The following SLC14A2 variants were observed in gnomAD, a reference collection of about 807,000 sequenced individuals.
SLC14A2 encodes urea transporter 2.
Under a neutral mutation model 104.6 loss-of-function variants are expected in SLC14A2, and 91 were observed. The observed-to-expected ratio is 0.87, with a 90% CI of 0.73 to 1.04. The LOEUF (loss-of-function observed/expected upper bound fraction) is 1.04. Ranked by LOEUF, SLC14A2 falls within the 50% of genes least tolerant of loss-of-function variation. SLC14A2 has a pLI of 0.00. For synonymous variants in SLC14A2, 476 were observed against 466.4 expected, an observed-to-expected ratio of 1.02 and a Z score of -0.27; for missense variants, 1,189 against 1,156.0, an observed-to-expected ratio of 1.03 and a Z score of -0.41.
intron 1 of SLC14A2, among the ~76,000 whole-genome samples, chr18:45,407,571 AT>A (rs2086169066): frequency 6.6e-6 from 1 of 152,220 alleles, no homozygotes; most frequent in Non-Finnish European, 1.5e-5. Context: ...TGGCTCAAGA[AT>A]CCTAGCTTTC....
rs2046181710 is a variant in SLC14A2 at position 45,673,827 on chromosome 18, C to T, written c.2512+10C>T. On this transcript the variant is annotated intron_variant, in intron 18 of 19. Transcript: ENST00000255226. ...CTCGCCATCGCCTGCGGTAGGTACT[C>T]CCCACAGAGGATTTGTTTCCTTTAT... The T allele has an allele frequency of 6.2e-7, 1 of 1,611,816 alleles. No homozygotes were observed. Among genetic ancestry groups the T allele is most frequent in the East Asian group, 2.2e-5 (1 of 44,788 alleles).
intron 19 of SLC14A2, among the ~76,000 whole-genome samples, chr18:45,681,445 G>T (rs1054786607): frequency 6.6e-6 from 1 of 152,208 alleles, no homozygotes; most frequent in Non-Finnish European, 1.5e-5. Flanking sequence ...GAAGTTGCAG[G>T]CTCATTGTTA....
At chr18:45,618,075 C>T (rs1020789811) in intron 1 of SLC14A2, among the ~76,000 whole-genome samples, 4 of 152,122 alleles carry the variant, frequency 2.6e-5, no homozygotes, top group African/African-American at 9.7e-5. Context: ...GATGTCAGCT[C>T]CACAGATACA....
intron 2 of SLC14A2, among the ~76,000 whole-genome samples, chr18:45,499,158 T>C (rs1269073825): frequency 6.6e-6 from 1 of 152,178 alleles, no homozygotes; most frequent in Non-Finnish European, 1.5e-5. Context: ...ACTGGTTGTT[T>C]TGGGGTCACA....
intron 1 of SLC14A2, among the ~76,000 whole-genome samples, chr18:45,458,901 A>G (rs568250162): frequency 3.3e-5 from 5 of 152,182 alleles, no homozygotes; most frequent in African/African-American, 1.2e-4. Flanking sequence ...GGTTTGGTGC[A>G]ATGAATATAC....
At chr18:45,200,045 T>C in the SLC14A2 span, among the ~76,000 whole-genome samples, 1 of 152,158 alleles carries the variant, frequency 6.6e-6, no homozygotes, top group Non-Finnish European at 1.5e-5. Flanking sequence ...CTTTAACCTC[T>C]GCCTATATCT....
chr18:45,522,540 T>C (rs1343457426), intron 2 of SLC14A2, among the ~76,000 whole-genome samples: 2 of 152,050 alleles, frequency 1.3e-5, no homozygotes, highest in Non-Finnish European at 2.9e-5. Flanking sequence ...AGAATGGAAA[T>C]GCCACATAGC....
At chr18:45,547,834 T>C (rs2043995706) in intron 2 of SLC14A2, among the ~76,000 whole-genome samples, 1 of 152,116 alleles carries the variant, frequency 6.6e-6, no homozygotes, top group African/African-American at 2.4e-5. Flanking sequence ...GAAAGAGACT[T>C]TGGAGAACAG....
chr18:45,209,268 G>A (rs563292350), upstream of SLC14A2, among the ~76,000 whole-genome samples: 24 of 149,968 alleles, frequency 1.6e-4, no homozygotes, highest in Non-Finnish European at 3.0e-4. Flanking sequence ...GCATGAACCC[G>A]GGAGGCGGAG....
chr18:45,639,794 A>C lies in SLC14A2; in HGVS notation c.892A>C (p.Asn298His). 1 of 1,614,034 alleles carries C rather than the reference A, an allele frequency of 6.2e-7. No individual in the cohort carries two copies. Among genetic ancestry groups the C allele is most frequent in the African/African-American group, 1.3e-5 (1 of 75,030 alleles). ...VGVGQVYGCD[N>H]PWTGGVFLVA... ...GGTCGGCCAGGTGTATGGCTGTGAC[A>C]ATCCCTGGACAGGCGGCGTGTTCCT... The change falls in exon 7 of 20, where the codon AAT becomes CAT. Residue 298 changes from asparagine to histidine, a missense_variant. Asn to His is a moderately conservative substitution (Grantham distance 68, BLOSUM62 1). Transcript: ENST00000255226.
intron 2 of SLC14A2, among the ~76,000 whole-genome samples, chr18:45,540,116 A>G (rs183948427): frequency 6.6e-6 from 1 of 151,998 alleles, no homozygotes; most frequent in East Asian, 1.9e-4. Context: ...GTGCCTGATG[A>G]GGTGACTGAG....
At position 45,683,219 on chromosome 18, in the gene SLC14A2, G is replaced by A. The variant is rs879909232; in HGVS notation, c.*700G>A. 1 of 152,276 alleles carries A rather than the reference G, an allele frequency of 6.6e-6. No individual in the cohort carries two copies. The highest frequency in any genetic ancestry group is 6.5e-5 in the Admixed American group (1 of 15,288). 9.4% of individuals were successfully genotyped at this position (152,276 alleles called of 1,614,324 possible). A position where few individuals can be genotyped will look rare whatever the true frequency, so the allele number is the denominator to read the frequency against. ...AACTGTGCATTAGCCCGGAAGGCAA[G>A]AGGGTTGGTTCTGCCCCAGCTCTGC... On this transcript the variant is annotated 3_prime_UTR_variant, in exon 20 of 20. Transcript: ENST00000255226.
intron 1 of SLC14A2, among the ~76,000 whole-genome samples, chr18:45,365,968 G>A (rs2247684): frequency 0.47 from 69,738 of 149,148 alleles, 20,595 homozygotes; most frequent in African/African-American, 0.85. Flanking sequence ...GACTAAGCAC[G>A]TACACCCAAG....
chr18:45,272,947 T>A (rs1188204975), intron 1 of SLC14A2, among the ~76,000 whole-genome samples: 1 of 152,086 alleles, frequency 6.6e-6, no homozygotes, highest in Non-Finnish European at 1.5e-5. Flanking sequence ...CTGAATCCCT[T>A]ATAGGGAGCC....
At chr18:45,653,808 T>C (rs2045782396) in intron 10 of SLC14A2, among the ~76,000 whole-genome samples, 1 of 152,138 alleles carries the variant, frequency 6.6e-6, no homozygotes, top group South Asian at 2.1e-4. Flanking sequence ...GTGCAGAAAT[T>C]TCCATTCAGA....
At chr18:45,244,128 T>C (rs995555185) in intron 1 of SLC14A2, among the ~76,000 whole-genome samples, 1 of 152,182 alleles carries the variant, frequency 6.6e-6, no homozygotes, top group Admixed American at 6.5e-5. Flanking sequence ...AAGGCAAGTC[T>C]CCGAGCCCCC....
chr18:45,542,200 A>C (rs921360766), intron 2 of SLC14A2: 1 of 151,656 alleles, frequency 6.6e-6, no homozygotes, highest in African/African-American at 2.4e-5. Context: ...TTCTGATCTC[A>C]ATGGGCTTCT....
intron 16 of SLC14A2, among the ~76,000 whole-genome samples, chr18:45,670,551 C>T (rs73953619): frequency 0.047 from 7,170 of 152,232 alleles, 509 homozygotes; most frequent in African/African-American, 0.16. Flanking sequence ...ATAATGATGC[C>T]TCGTTTCTCT....
chr18:45,487,852 C>T (rs1019394132), intron 2 of SLC14A2, among the ~76,000 whole-genome samples: 1 of 152,126 alleles, frequency 6.6e-6, no homozygotes, highest in Non-Finnish European at 1.5e-5. Context: ...ACGGGCTGCC[C>T]TGTGTATGTG....
Sources: allele counts gnomAD v4.1 joint callset (sites outside exome capture counted in the v4.1 genomes callset), GRCh38; gene constraint gnomAD v4.1.1; transcripts MANE v1.5; gene names NCBI Gene and HGNC (gene_info 2026-07-23, HGNC 2026-07-21).